The following ADGRL3 variants were observed in gnomAD, a reference collection of about 807,000 sequenced individuals.
ADGRL3 encodes calcium-independent alpha-latrotoxin receptor 3.
Under a neutral mutation model 153.5 loss-of-function variants are expected in ADGRL3, and 62 were observed. The ratio of observed to expected loss-of-function variants is 0.40; its 90% CI spans 0.33 to 0.50. The LOEUF is 0.50. Ranked by LOEUF, ADGRL3 falls within the 20% of genes least tolerant of loss-of-function variation. The pLI is 0.47. For missense variants in ADGRL3, 1,641 were observed against 1,859.4 expected (o/e 0.88, Z 2.16); for synonymous variants, 710 against 672.5 (o/e 1.06, Z -0.86).
chr4:61,369,681 C>G (rs1321050549), intron 1 of ADGRL3, among the ~76,000 whole-genome samples: 1 of 152,128 alleles, frequency 6.6e-6, no homozygotes, highest in Admixed American at 6.5e-5. Flanking sequence ...GGATATTGGT[C>G]TAAAGTTATC....
At chr4:61,981,925 A>G (rs2099069792) in intron 18 of ADGRL3, among the ~76,000 whole-genome samples, 1 of 152,204 alleles carries the variant, frequency 6.6e-6, no homozygotes. Flanking sequence ...TGGGCATCAT[A>G]TACTAATGTG....
At chr4:61,713,084 T>G (rs1274932003) in intron 6 of ADGRL3, among the ~76,000 whole-genome samples, 13 of 152,148 alleles carry the variant, frequency 8.5e-5, no homozygotes, top group Admixed American at 8.5e-4. Context: ...TAAAACTTTA[T>G]AATTATTTAA....
At chr4:61,749,687 C>T (rs1019114365) in intron 8 of ADGRL3, among the ~76,000 whole-genome samples, 1 of 151,386 alleles carries the variant, frequency 6.6e-6, no homozygotes, top group Non-Finnish European at 1.5e-5. Context: ...GGAAGGAGAA[C>T]ATCACACTCT....
intron 2 of ADGRL3, among the ~76,000 whole-genome samples, chr4:61,455,952 A>G (rs1371393999): frequency 2.0e-5 from 3 of 151,968 alleles, no homozygotes; most frequent in Non-Finnish European, 4.4e-5. Context: ...AGTAGCTGGG[A>G]TTACAGGCAC....
At chr4:61,358,345 T>C (rs202177924) in intron 1 of ADGRL3, among the ~76,000 whole-genome samples, 3,230 of 151,958 alleles carry the variant, frequency 0.021, 87 homozygotes, top group South Asian at 0.082. Context: ...CGCCTGTAAG[T>C]CCAGCACTTT....
At chr4:61,263,086 T>G (rs1194525951) in intron 1 of ADGRL3, among the ~76,000 whole-genome samples, 1 of 151,880 alleles carries the variant, frequency 6.6e-6, no homozygotes, top group Non-Finnish European at 1.5e-5. Context: ...TCTTGATATA[T>G]TTATTTATTA....
At chr4:61,274,459 G>A (rs12505990) in intron 1 of ADGRL3, among the ~76,000 whole-genome samples, 47,668 of 152,002 alleles carry the variant, frequency 0.31, 8,004 homozygotes, top group East Asian at 0.42. Flanking sequence ...ATTTCCATGA[G>A]AGCAGGATTA....
At chr4:61,482,051 A>T (rs2098137348) in intron 2 of ADGRL3, among the ~76,000 whole-genome samples, 1 of 152,228 alleles carries the variant, frequency 6.6e-6, no homozygotes, top group South Asian at 2.1e-4. Context: ...TTTGGAGGTT[A>T]TCGGTCAAAA....
chr4:61,444,306 A>G (rs1410216229), intron 2 of ADGRL3, among the ~76,000 whole-genome samples: 1 of 152,144 alleles, frequency 6.6e-6, no homozygotes, highest in Non-Finnish European at 1.5e-5. Context: ...TTGAATCCCA[A>G]GCCTTGTCTT....
At chr4:61,802,928 C>G (rs543814602) in intron 8 of ADGRL3, among the ~76,000 whole-genome samples, 45 of 152,154 alleles carry the variant, frequency 3.0e-4, no homozygotes, top group African/African-American at 1.0e-3. Context: ...GAATTACCAC[C>G]TCTAATCCCA....
chr4:61,481,774 T>C (rs1321260255), intron 2 of ADGRL3, among the ~76,000 whole-genome samples: 3 of 152,068 alleles, frequency 2.0e-5, no homozygotes, highest in South Asian at 4.1e-4. Context: ...CTATTTTATC[T>C]AGTTGATTAA....
intron 9 of ADGRL3, among the ~76,000 whole-genome samples, chr4:61,831,195 TG>T (rs2097864063): frequency 6.6e-6 from 1 of 152,052 alleles, no homozygotes; most frequent in Admixed American, 6.6e-5. Context: ...GGCCTAGCTT[TG>T]TCATTTTAAA....
At chr4:61,400,079 T>C (rs2096911770) in intron 2 of ADGRL3, among the ~76,000 whole-genome samples, 9 of 151,788 alleles carry the variant, frequency 5.9e-5, no homozygotes, top group Admixed American at 5.9e-4. Flanking sequence ...TGAGAGTTTA[T>C]TAGCTTCTAC....
At chr4:61,728,060 T>A (rs1490969427) in intron 6 of ADGRL3, among the ~76,000 whole-genome samples, 2 of 152,114 alleles carry the variant, frequency 1.3e-5, no homozygotes, top group African/African-American at 4.8e-5. Context: ...TCCTTAGTGT[T>A]ACCAAGCTTT....
intron 2 of ADGRL3, among the ~76,000 whole-genome samples, chr4:61,414,633 A>G (rs888338043): frequency 6.6e-6 from 1 of 151,844 alleles, no homozygotes; most frequent in African/African-American, 2.4e-5. Context: ...ATTAAGGAAA[A>G]GGAGGAGACA....
intron 4 of ADGRL3, among the ~76,000 whole-genome samples, chr4:61,536,051 T>A (rs923152015): frequency 1.3e-5 from 2 of 151,968 alleles, no homozygotes; most frequent in African/African-American, 4.8e-5. Flanking sequence ...TTTGCTGTTT[T>A]TTTGCTGTAT....
intron 3 of ADGRL3, among the ~76,000 whole-genome samples, chr4:61,507,996 A>T (rs2098441082): frequency 6.6e-6 from 1 of 152,174 alleles, no homozygotes; most frequent in Non-Finnish European, 1.5e-5. Context: ...TTTTGTTACC[A>T]TGAACTTAAA....
At chr4:61,679,343 C>T (rs1488716881) in intron 6 of ADGRL3, among the ~76,000 whole-genome samples, 1 of 152,030 alleles carries the variant, frequency 6.6e-6, no homozygotes, top group Non-Finnish European at 1.5e-5. Flanking sequence ...GGTCACATTT[C>T]AACATGAGAT....
At chr4:62,070,011 A>G (rs1202082654) in intron 26 of ADGRL3, 98 bp from the exon 27 acceptor site, 6 of 949,276 alleles carry the variant, frequency 6.3e-6, no homozygotes, top group African/African-American at 3.3e-5. Context: ...CAATTTATAC[A>G]TATTTCATAG....
Sources: gnomAD v4.1 joint callset for allele counts (sites outside exome capture counted in the v4.1 genomes callset) on GRCh38, gnomAD v4.1.1 for gene constraint, MANE v1.5 for transcripts, NCBI Gene and HGNC (gene_info 2026-07-23, HGNC 2026-07-21) for gene names.